The following SANBR variants were observed in gnomAD, a reference collection of about 807,000 sequenced individuals.
SANBR encodes the protein SANT and BTB domain regulator of CSR, also known as SANT and BTB domain regulator of class switch recombination.
A neutral mutation model predicts 101.8 loss-of-function variants in SANBR; 77 were observed. That is an observed-to-expected ratio of 0.76 (90% CI 0.63 to 0.91). The LOEUF is 0.91. SANBR is among the 40% of genes least tolerant of loss of function. SANBR has a pLI of 0.00. For missense variants in SANBR, 875 were observed against 853.0 expected (o/e 1.03, Z -0.32); for synonymous variants, 279 against 274.7 (o/e 1.02, Z -0.15).
intron 6 of SANBR, among the ~76,000 whole-genome samples, chr2:61,080,680 C>G (rs6743483): frequency 0.063 from 9,528 of 151,536 alleles, 1,043 homozygotes; most frequent in African/African-American, 0.22. Flanking sequence ...GAGATTGCGC[C>G]ACTGCACTCC....
intron 8 of SANBR, among the ~76,000 whole-genome samples, chr2:61,085,763 G>A (rs534205111): frequency 7.2e-5 from 11 of 151,730 alleles, no homozygotes; most frequent in African/African-American, 1.2e-4. Context: ...CGCCCGCCTC[G>A]GCCTCCCAAC....
intron 8 of SANBR, among the ~76,000 whole-genome samples, chr2:61,083,602 G>A (rs1402009558): frequency 6.6e-6 from 1 of 151,944 alleles, no homozygotes; most frequent in African/African-American, 2.4e-5. Context: ...AGGCACAGTG[G>A]CTCACGCTTG....
At chr2:61,092,780 C>T (rs1208747408) in intron 11 of SANBR, among the ~76,000 whole-genome samples, 193 bp downstream of exon 11, 1 of 152,062 alleles carries the variant, frequency 6.6e-6, no homozygotes, top group African/African-American at 2.4e-5. Flanking sequence ...GCAGGTGGAT[C>T]GTTTTAGCCC....
chr2:61,134,225 T>A (rs367942636), exon 21 of SANBR: 1 of 1,603,260 alleles, frequency 6.2e-7, no homozygotes, highest in East Asian at 2.2e-5. Flanking sequence ...ACAGTGTTGC[T>A]GTGTTAAACG....
At chr2:61,067,006 T>G (rs959694559) in intron 1 of SANBR, among the ~76,000 whole-genome samples, 1 of 152,196 alleles carries the variant, frequency 6.6e-6, no homozygotes. Flanking sequence ...TTGAGCTTTT[T>G]CTTGTCACCG....
chr2:61,093,482 C>G (rs1460071387), intron 11 of SANBR: 1 of 152,230 alleles, frequency 6.6e-6, no homozygotes, highest in Non-Finnish European at 1.5e-5. Flanking sequence ...GTAATCCCAG[C>G]TACTCAGTGG....
intron 8 of SANBR, among the ~76,000 whole-genome samples, chr2:61,084,775 C>G (rs917484843): frequency 2.6e-5 from 4 of 152,004 alleles, no homozygotes; most frequent in Admixed American, 6.6e-5. Flanking sequence ...ATTTAAGAAG[C>G]AAGGAGACCT....
chr2:61,103,059 T>C (rs1441810970), intron 12 of SANBR, among the ~76,000 whole-genome samples: 2 of 151,830 alleles, frequency 1.3e-5, no homozygotes, highest in African/African-American at 4.8e-5. Context: ...ATTCATGCAG[T>C]GAAACACTAT....
At chr2:61,137,804 T>A (rs1684894735) in exon 22 of SANBR, 1 of 152,204 alleles carries the variant, frequency 6.6e-6, no homozygotes, top group Non-Finnish European at 1.5e-5. Context: ...AATTTGATGC[T>A]TATTATGCCC....
chr2:61,082,791 C>T (rs1682205176), intron 7 of SANBR, among the ~76,000 whole-genome samples: 1 of 152,000 alleles, frequency 6.6e-6, no homozygotes, highest in African/African-American at 2.4e-5. Flanking sequence ...AGCACTCCAG[C>T]CTGGATGACA....
downstream of SANBR, among the ~76,000 whole-genome samples, chr2:61,125,658 T>C (rs1300636632): frequency 1.3e-5 from 2 of 152,216 alleles, no homozygotes; most frequent in Admixed American, 1.3e-4. Context: ...CTTCTTACTA[T>C]TTGTTCATGA....
rs372574472 is a variant in SANBR at position 61,103,949 on chromosome 2, C to T, written c.1462C>T (p.His488Tyr). The change falls in exon 13 of 22, where the codon CAC (histidine) becomes TAC (tyrosine). Residue 488 changes from histidine (H) to tyrosine (Y), a missense_variant. Physicochemically the swap from His to Tyr is moderately conservative, Grantham distance 83. Transcript: ENST00000402291. ...CACTGCTAGAATGTTGGACGATTTG[C>T]ACAAGTACAGAGATGTCATTGTTGT... ...CPTARMLDDL[H>Y]KYRDVIVVPF... 1.2e-6 allele frequency: 2 copies of T among 1,614,114 alleles called. No individual in the cohort carries two copies.
intron 5 of SANBR, chr2:61,074,931 A>G (rs1305914343): frequency 2.0e-5 from 3 of 151,768 alleles, no homozygotes; most frequent in Admixed American, 6.6e-5. Context: ...AGCATTGATT[A>G]TAATCCTTTT....
intron 11 of SANBR, among the ~76,000 whole-genome samples, chr2:61,096,904 A>G (rs901220583): frequency 5.6e-4 from 86 of 152,338 alleles, no homozygotes; most frequent in African/African-American, 1.9e-3. Context: ...CTGTAATCCC[A>G]GCACTTTGGG....
chr2:61,092,261 A>G (rs1682799674), intron 10 of SANBR, among the ~76,000 whole-genome samples: 1 of 152,300 alleles, frequency 6.6e-6, no homozygotes, highest in East Asian at 1.9e-4. Flanking sequence ...GCACACGCCT[A>G]TAATCCCAGC....
At chr2:61,083,742 G>A (rs1477316759) in intron 8 of SANBR, among the ~76,000 whole-genome samples, 10 of 151,886 alleles carry the variant, frequency 6.6e-5, no homozygotes, top group East Asian at 3.9e-4. Context: ...GGTGGCAGGC[G>A]CCTGTAGTCC....
chr2:61,115,689 T>A (rs944643439), intron 16 of SANBR: 1 of 190,070 alleles, frequency 5.3e-6, no homozygotes, highest in African/African-American at 2.4e-5. Context: ...GAAGCAGAGA[T>A]TGCAGTGAGC....
chr2:61,083,096 G>T, intron 7 of SANBR, 58 bp from the exon 8 acceptor site: 1 of 1,270,242 alleles, frequency 7.9e-7, no homozygotes, highest in South Asian at 1.3e-5. Context: ...GAAAGGTATT[G>T]CTATGACATT....
intron 8 of SANBR, among the ~76,000 whole-genome samples, chr2:61,085,582 C>T (rs1682382093): frequency 6.6e-6 from 1 of 151,914 alleles, no homozygotes; most frequent in Non-Finnish European, 1.5e-5. Flanking sequence ...GAGATCTCGA[C>T]TCTCTGCAAC....
Sources: gnomAD v4.1 joint callset for allele counts (sites outside exome capture counted in the v4.1 genomes callset) on GRCh38, gnomAD v4.1.1 for gene constraint, MANE v1.5 for transcripts, NCBI Gene and HGNC (gene_info 2026-07-23, HGNC 2026-07-21) for gene names.